Variants in PARD3B observed in about 807,000 individuals in gnomAD.
PARD3B encodes partitioning defective 3 homolog B.
A neutral mutation model predicts 130.2 loss-of-function variants in PARD3B; 103 were observed. The ratio of observed to expected loss-of-function variants is 0.79; its 90% confidence interval spans 0.67 to 0.93. The LOEUF (loss-of-function observed/expected upper bound fraction) is 0.93, where lower values mean the gene tolerates loss of function less well. Ranked by LOEUF, PARD3B falls within the 40% of genes least tolerant of loss-of-function variation. PARD3B has a pLI of 0.00. For synonymous variants in PARD3B, 583 were observed against 553.2 expected, an observed-to-expected ratio of 1.05 and a Z score of -0.76; for missense variants, 1,609 against 1,499.2, an observed-to-expected ratio of 1.07 and a Z score of -1.21.
At chr2:205,019,187 G>T (rs1359412079) in intron 3 of PARD3B, among the ~76,000 whole-genome samples, 1 of 152,018 alleles carries the variant, frequency 6.6e-6, no homozygotes, top group Non-Finnish European at 1.5e-5. Context: ...TTTCTGTCTT[G>T]ATAGATTTGC....
At chr2:204,865,073 T>G (rs1217266633) in intron 2 of PARD3B, among the ~76,000 whole-genome samples, 1 of 152,036 alleles carries the variant, frequency 6.6e-6, no homozygotes, top group South Asian at 2.1e-4. Context: ...AACCACGATA[T>G]GATATCACAC....
chr2:205,196,596 T>C (rs1318947215), intron 15 of PARD3B, among the ~76,000 whole-genome samples: 1 of 152,226 alleles, frequency 6.6e-6, no homozygotes, highest in African/African-American at 2.4e-5. Flanking sequence ...TATCTCATTT[T>C]CCTCTGGTAC....
At chr2:204,565,266 G>A (rs528909357) in intron 1 of PARD3B, among the ~76,000 whole-genome samples, 10 of 152,222 alleles carry the variant, frequency 6.6e-5, no homozygotes, top group African/African-American at 2.4e-4. Flanking sequence ...AAGTCAGCTC[G>A]CAACACGGAG....
chr2:204,655,904 G>A (rs895407152), intron 1 of PARD3B, among the ~76,000 whole-genome samples: 1 of 152,082 alleles, frequency 6.6e-6, no homozygotes, highest in Non-Finnish European at 1.5e-5. Context: ...AGCTGATCTT[G>A]TCTGGGCCCT....
In PARD3B at chr2:204,585,753, C is replaced by T. The variant is rs113915700; in HGVS notation, c.120+39634C>T. On this transcript the variant is annotated intron_variant, in intron 1 of 22. Transcript: ENST00000406610. The stretch of plus-strand genomic sequence containing the variant: ...TTTCATTAATACCTTCTTTCTGTGA[C>T]GATTCACCTCTCTCCCATTCAACAT... Among the ~76,000 whole-genome samples the T allele has an allele frequency of 9.0e-3, 1,368 of 152,100 alleles. 19 individuals carry two copies. Among genetic ancestry groups the T allele is most frequent in the African/African-American group, 0.032 (1,324 of 41,486 alleles).
chr2:205,423,523 G>A (rs1366442875), intron 19 of PARD3B, among the ~76,000 whole-genome samples: 1 of 152,182 alleles, frequency 6.6e-6, no homozygotes, highest in Non-Finnish European at 1.5e-5. Flanking sequence ...GGACATGTGA[G>A]AATATTCTAT....
In PARD3B at chr2:205,258,496, T is replaced by G; in HGVS notation, c.2185+12674T>G. ...ACTGTTTACCTCCTTATAGAGCTAA[T>G]CACAGTCTGTAGTAAATGTGTGTGC... On this transcript the variant is annotated intron_variant, in intron 16 of 22. Transcript: ENST00000406610. The surrounding 1 kb of genome is among the most constrained non-coding windows in gnomAD (Gnocchi z 4.9). Among the ~76,000 whole-genome samples, 1 of 152,172 alleles carries G rather than the reference T, an allele frequency of 6.6e-6. No homozygotes were observed. The highest frequency in any genetic ancestry group is 1.9e-4 in the East Asian group (1 of 5,186).
chr2:204,720,058 A>C (rs952353892), intron 2 of PARD3B, among the ~76,000 whole-genome samples: 36 of 137,236 alleles, frequency 2.6e-4, no homozygotes, highest in African/African-American at 1.1e-3. Context: ...TGCTGTCTTT[A>C]TGGCATTTTT....
In PARD3B at chr2:205,229,749, A is replaced by T. The variant is rs115556528; in HGVS notation, c.2141-16029A>T. Among the ~76,000 whole-genome samples the T allele has an allele frequency of 6.2e-3, 936 of 152,154 alleles. 11 individuals carry two copies. Among genetic ancestry groups the T allele is most frequent in the African/African-American group, 0.021 (875 of 41,518 alleles). The stretch of plus-strand genomic sequence containing the variant: ...CCAGGCTTGTGTCCTTCCCTTCAGG[A>T]CAGCAAGGTCCCCCTGGCCTCGAGT... On this transcript the variant is annotated intron_variant, in intron 15 of 22. Transcript: ENST00000406610. This position sits in a 1 kb window ranked among gnomAD's most constrained non-coding sequence, Gnocchi z 5.2.
intron 2 of PARD3B, among the ~76,000 whole-genome samples, chr2:204,730,551 A>G (rs1414477469): frequency 6.6e-6 from 1 of 150,738 alleles, no homozygotes; most frequent in Non-Finnish European, 1.5e-5. Flanking sequence ...CCTAAAAGCA[A>G]TCTTGCAGAC....
At chr2:204,619,239 A>G (rs2034213695) in intron 1 of PARD3B, among the ~76,000 whole-genome samples, 1 of 152,186 alleles carries the variant, frequency 6.6e-6, no homozygotes, top group South Asian at 2.1e-4. Context: ...GCCATCCAGC[A>G]GCCTCACTGC....
Position 205,581,432 on chromosome 2 carries a change from T to A in PARD3B, c.3260+28029T>A, listed in dbSNP as rs1378583279. Among the ~76,000 whole-genome samples, 1,148 of 145,188 alleles carry A rather than the reference T, an allele frequency of 7.9e-3. 17 individuals carry two copies. The highest frequency in any genetic ancestry group is 0.027 in the African/African-American group (1,080 of 39,592). ...AAGTATATATAAATATATAAATATA[T>A]ATAAATATATATAAATATATATGAC... On this transcript the variant is annotated intron_variant, in intron 22 of 22. Transcript: ENST00000406610.
chr2:205,479,790 A>T (rs2106284647), intron 20 of PARD3B, among the ~76,000 whole-genome samples: 1 of 151,998 alleles, frequency 6.6e-6, no homozygotes, highest in Non-Finnish European at 1.5e-5. Flanking sequence ...AAATCCAAAG[A>T]TCTGTCCAAG....
rs1327945928 is a variant in PARD3B at position 205,584,164 on chromosome 2, G to C, written c.3260+30761G>C. ...AATATGGTAGCCGCAACAACATGGG[G>C]CTATCAGACATTTAAATGTGTCTGA... On this transcript the variant is annotated intron_variant, in intron 22 of 22. Coordinates refer to ENST00000406610, the MANE Select transcript of PARD3B (RefSeq NM_001302769.2). The surrounding 1 kb of genome is among the most constrained non-coding windows in gnomAD (Gnocchi z 5.5). Among the ~76,000 whole-genome samples, 1 of 152,110 alleles carries C rather than the reference G, an allele frequency of 6.6e-6. No homozygotes were observed. The highest frequency in any genetic ancestry group is 1.5e-5 in the Non-Finnish European group (1 of 68,012).
chr2:204,826,997 G>C (rs990229741), intron 2 of PARD3B, among the ~76,000 whole-genome samples: 1 of 152,098 alleles, frequency 6.6e-6, no homozygotes, highest in African/African-American at 2.4e-5. Context: ...TTTAGCCTGG[G>C]TGACAGAGCA....
At position 205,142,131 on chromosome 2, in the gene PARD3B, G is replaced by A. The variant is rs1038754038; in HGVS notation, c.1434+16394G>A. On this transcript the variant is annotated intron_variant, in intron 10 of 22. Coordinates refer to ENST00000406610, the MANE Select transcript of PARD3B (RefSeq NM_001302769.2). The surrounding 1 kb of genome is among the most constrained non-coding windows in gnomAD (Gnocchi z 4.3). Reference sequence around the variant, plus strand: ...GCTATGCTTTTATTATGTATAGAGTGTTTTGAAGACCTAGATGAGAGCCAC... The same window carrying A: ...GCTATGCTTTTATTATGTATAGAGTATTTTGAAGACCTAGATGAGAGCCAC... Among the ~76,000 whole-genome samples the A allele has an allele frequency of 6.6e-6, 1 of 152,144 alleles. No individual in the cohort carries two copies. Among genetic ancestry groups the A allele is most frequent in the African/African-American group, 2.4e-5 (1 of 41,430 alleles).
chr2:204,704,200 C>T (rs2038024855), intron 2 of PARD3B, among the ~76,000 whole-genome samples: 1 of 152,132 alleles, frequency 6.6e-6, no homozygotes, highest in African/African-American at 2.4e-5. Context: ...CAGAACTTTT[C>T]ATCATAACAG....
chr2:204,819,573 C>T (rs1180975714), intron 2 of PARD3B, among the ~76,000 whole-genome samples: 1 of 152,172 alleles, frequency 6.6e-6, no homozygotes, highest in Non-Finnish European at 1.5e-5. Context: ...AAGAGTCATA[C>T]ATCTCTCACT....
chr2:205,342,011 G>A (rs62171506), intron 18 of PARD3B, among the ~76,000 whole-genome samples: 91,269 of 151,886 alleles, frequency 0.6, 30,785 homozygotes, highest in South Asian at 0.77. Context: ...TATTTCTCCA[G>A]TTTTAAAAAT....
Sources: gnomAD v4.1 joint callset for allele counts (sites outside exome capture counted in the v4.1 genomes callset) on GRCh38, gnomAD v4.1.1 for gene constraint, Gnocchi (gnomAD v3.1) non-coding constraint, MANE v1.5 for transcripts, NCBI Gene and HGNC (gene_info 2026-07-23, HGNC 2026-07-21) for gene names.